TBL1X: variants seen among roughly 807,000 people sequenced by gnomAD.
TBL1X encodes the protein transducin beta like 1 X-linked.
A neutral mutation model predicts 50.7 loss-of-function variants in TBL1X; 10 were observed. The ratio of observed to expected loss-of-function variants is 0.20; its 90% CI spans 0.12 to 0.33. The LOEUF is 0.33. TBL1X is among the 10% of genes least tolerant of loss of function. TBL1X has a pLI of 1.00. For missense variants in TBL1X, 340 were observed against 504.4 expected, an observed-to-expected ratio of 0.67 and a Z score of 3.12; for synonymous variants, 190 against 214.7, an observed-to-expected ratio of 0.88 and a Z score of 1.01.
intron 13 of TBL1X, among the ~76,000 whole-genome samples, chrX:9,707,060 A>G (rs1035844367): frequency 9.0e-6 from 1 of 111,692 alleles, no homozygotes; most frequent in Non-Finnish European, 1.9e-5. Flanking sequence ...TGCTGGGACC[A>G]TGGCATCTTG....
chrX:9,491,338 A>ATATATATATATTT (rs1328551249), intron 1 of TBL1X, among the ~76,000 whole-genome samples: 2 of 31,316 alleles, frequency 6.4e-5, no homozygotes, highest in African/African-American at 1.2e-4. Flanking sequence ...ATATATATAT[A>ATATATATATATTT]TTTTTTTTTT....
At chrX:9,582,066 C>G (rs1412865604) in intron 2 of TBL1X, among the ~76,000 whole-genome samples, 1 of 112,342 alleles carries the variant, frequency 8.9e-6, no homozygotes, top group East Asian at 2.8e-4. Context: ...GAACCTTCAA[C>G]GTCTTTACAA....
chrX:9,555,632 T>C (rs773205306), intron 2 of TBL1X, among the ~76,000 whole-genome samples: 49 of 111,650 alleles, frequency 4.4e-4, no homozygotes, highest in Non-Finnish European at 7.9e-4. Flanking sequence ...CTGCTTTCTA[T>C]AGTGGCTGCA....
intron 1 of TBL1X, among the ~76,000 whole-genome samples, chrX:9,476,088 C>G (rs2081847954): frequency 8.9e-6 from 1 of 111,768 alleles, no homozygotes; most frequent in African/African-American, 3.3e-5. Flanking sequence ...AAACCTGTTG[C>G]TTCTCTTTAT....
At chrX:9,517,574 C>T (rs2082086723) in intron 2 of TBL1X, among the ~76,000 whole-genome samples, 1 of 112,043 alleles carries the variant, frequency 8.9e-6, no homozygotes, top group Non-Finnish European at 1.9e-5. Flanking sequence ...TGACAAATGC[C>T]AGGTCCCCAA....
intron 5 of TBL1X, among the ~76,000 whole-genome samples, chrX:9,678,776 G>C (rs956739725): frequency 8.5e-4 from 95 of 112,228 alleles, no homozygotes; most frequent in African/African-American, 2.9e-3. Context: ...AACTCAAATG[G>C]TTTGTGAAGT....
At chrX:9,579,633 G>T (rs958760006) in intron 2 of TBL1X, among the ~76,000 whole-genome samples, 1 of 111,747 alleles carries the variant, frequency 8.9e-6, no homozygotes, top group Non-Finnish European at 1.9e-5. Flanking sequence ...AGGTTCATCC[G>T]AGTCAATGTC....
intron 2 of TBL1X, among the ~76,000 whole-genome samples, chrX:9,511,516 A>G (rs755461162): frequency 2.4e-4 from 27 of 112,499 alleles, no homozygotes; most frequent in Non-Finnish European, 4.5e-4. Context: ...AAAAGATACC[A>G]GTATTCTGTG....
rs183549340 is a variant in TBL1X, at chrX:9,513,836, C to T, written c.-131+11987C>T. Among the ~76,000 whole-genome samples, 414 of 108,695 alleles carry T rather than the reference C, an allele frequency of 3.8e-3. 2 individuals carry two copies. Among genetic ancestry groups the T allele is most frequent in the Non-Finnish European group, 5.6e-3 (295 of 52,614 alleles). 94.4% of individuals were successfully genotyped at this position (108,695 alleles called of 115,157 possible). A position where few individuals can be genotyped will look rare whatever the true frequency, so the allele number is the denominator to read the frequency against. On this transcript the variant is annotated intron_variant, in intron 2 of 17. Transcript: ENST00000645353. Reference sequence around the variant, plus strand: ...CATGGTGCCGGCATCTGCTTGGTTTCTTGGGAGGCCTCAGAGCTTTTGCTC... The same window carrying T: ...CATGGTGCCGGCATCTGCTTGGTTTTTTGGGAGGCCTCAGAGCTTTTGCTC...
chrX:9,672,708 T>C lies in TBL1X; in HGVS notation c.212-11335T>C, dbSNP rs1360279965. On this transcript the variant is annotated intron_variant, in intron 5 of 17. Coordinates refer to ENST00000645353, the MANE Select transcript of TBL1X (RefSeq NM_005647.4). Reference sequence around the variant, plus strand: ...CGGTGTGTATCCCCAACTTCTCCATTGCCATCCATACTGATATTTTGAATG... The same window carrying C: ...CGGTGTGTATCCCCAACTTCTCCATCGCCATCCATACTGATATTTTGAATG... 1.1e-4 allele frequency among the ~76,000 whole-genome samples: 12 copies of C among 111,450 alleles called. No individual in the cohort carries two copies. The Admixed American group carries it at 1.1e-3, about 11-fold the overall frequency.
intron 2 of TBL1X, among the ~76,000 whole-genome samples, chrX:9,562,458 A>G (rs1044538628): frequency 1.8e-5 from 2 of 112,068 alleles, no homozygotes; most frequent in African/African-American, 6.5e-5. Flanking sequence ...TTGTACAAGC[A>G]TGAAATATTG....
At chrX:9,569,710 C>G (rs1346350013) in intron 2 of TBL1X, among the ~76,000 whole-genome samples, 2 of 111,925 alleles carry the variant, frequency 1.8e-5, no homozygotes, top group African/African-American at 6.5e-5. Flanking sequence ...CCAGTTCTGC[C>G]ACTTCCTTTT....
intron 5 of TBL1X, among the ~76,000 whole-genome samples, chrX:9,671,342 C>T (rs2082959239): frequency 8.9e-6 from 1 of 112,716 alleles, no homozygotes; most frequent in African/African-American, 3.2e-5. Flanking sequence ...GGAGAGTGGC[C>T]AGCCAGGGAA....
intron 2 of TBL1X, among the ~76,000 whole-genome samples, chrX:9,539,544 G>A (rs1038015939): frequency 4.5e-5 from 5 of 111,361 alleles, no homozygotes; most frequent in African/African-American, 1.6e-4. Context: ...ACGTGGCTCC[G>A]ATATCACTTT....
intron 2 of TBL1X, among the ~76,000 whole-genome samples, chrX:9,577,610 A>G (rs993555902): frequency 2.1e-4 from 24 of 112,151 alleles, no homozygotes; most frequent in African/African-American, 6.2e-4. Context: ...TCAACATCCC[A>G]CAGTGCACAG....
rs2083278089 is a variant in TBL1X at position 9,716,286 on chromosome X, C to T, written c.*40C>T. On this transcript the variant is annotated 3_prime_UTR_variant, in exon 18 of 18. Transcript: ENST00000645353. ...CGAAAAAAGAAAAGAATTCTAATGACCAGCCGTGAATGTGTAGGGTTGCAG... is the reference window on the plus strand; with the variant it reads ...CGAAAAAAGAAAAGAATTCTAATGATCAGCCGTGAATGTGTAGGGTTGCAG... 4.2e-6 allele frequency: 5 copies of T among 1,182,786 alleles called. No homozygotes were observed. In the Admixed American group the frequency reaches 8.9e-5, roughly 21 times the overall value.
intron 2 of TBL1X, among the ~76,000 whole-genome samples, chrX:9,574,907 T>C (rs2082403294): frequency 8.9e-6 from 1 of 112,256 alleles, no homozygotes; most frequent in Middle Eastern, 4.6e-3. Context: ...CCGAGGGTGT[T>C]TTTTTGTGTA....
At chrX:9,536,912 G>A (rs1004434939) in intron 2 of TBL1X, among the ~76,000 whole-genome samples, 2 of 111,889 alleles carry the variant, frequency 1.8e-5, no homozygotes, top group Admixed American at 9.5e-5. Context: ...GGTGAGACAG[G>A]TGCAAAGCGT....
chrX:9,536,483 C>T (rs2082188639), intron 2 of TBL1X, among the ~76,000 whole-genome samples: 1 of 111,029 alleles, frequency 9.0e-6, no homozygotes, highest in African/African-American at 3.3e-5. Flanking sequence ...ATCTCTTGAC[C>T]TTGTGATCTG....
Sources: gnomAD v4.1 joint callset for allele counts (sites outside exome capture counted in the v4.1 genomes callset) on GRCh38, gnomAD v4.1.1 for gene constraint, MANE v1.5 for transcripts, NCBI Gene and HGNC (gene_info 2026-07-23, HGNC 2026-07-21) for gene names.